The following HACL2 variants were observed in gnomAD, a reference collection of about 807,000 sequenced individuals.
The protein encoded by HACL2 is 2-hydroxyacyl-CoA lyase 1 like.
At chr19:15,117,928 A>T in the HACL2 span, 1 of 1,613,896 alleles carries the variant, frequency 6.2e-7, no homozygotes, top group Non-Finnish European at 8.5e-7. Flanking sequence ...GTTGAGCAAC[A>T]TCTCTTCCCG....
chr19:15,125,281 G>A, the HACL2 span: 7 of 584,234 alleles, frequency 1.2e-5, no homozygotes, highest in Non-Finnish European at 2.1e-5. Context: ...CCCCTCGCGG[G>A]GCTAGCCCCA....
the HACL2 span, chr19:15,115,251 C>T: frequency 3.7e-6 from 6 of 1,614,076 alleles, no homozygotes; most frequent in Non-Finnish European, 5.1e-6. Flanking sequence ...CCCACAAGGC[C>T]CTATACAGCA....
At chr19:15,120,588 G>T in the HACL2 span, among the ~76,000 whole-genome samples, 2 of 152,164 alleles carry the variant, frequency 1.3e-5, no homozygotes, top group South Asian at 2.1e-4. Flanking sequence ...TGGGCCCCAG[G>T]GCCCCAACTT....
chr19:15,119,204 C>T, the HACL2 span: 5 of 1,602,520 alleles, frequency 3.1e-6, no homozygotes, highest in South Asian at 3.4e-5. Flanking sequence ...CAGGGCCGCA[C>T]TGCGGTTCTC....
the HACL2 span, chr19:15,124,993 C>G: frequency 6.2e-7 from 1 of 1,600,408 alleles, no homozygotes; most frequent in Non-Finnish European, 8.5e-7. Context: ...ACCAGCGTCC[C>G]GCAGGCCAGG....
chr19:15,119,077 C>T, the HACL2 span: 1 of 1,438,454 alleles, frequency 7.0e-7, no homozygotes, highest in East Asian at 2.3e-5. Context: ...TAGGTGCCCA[C>T]TAGACCTTCC....
the HACL2 span, among the ~76,000 whole-genome samples, chr19:15,118,434 T>TA: frequency 6.6e-6 from 1 of 152,112 alleles, no homozygotes; most frequent in African/African-American, 2.4e-5. Flanking sequence ...GCTCTCTGTC[T>TA]AAGAAGTCTG....
At chr19:15,122,090 A>G in the HACL2 span, among the ~76,000 whole-genome samples, 3 of 150,310 alleles carry the variant, frequency 2.0e-5, no homozygotes, top group Admixed American at 6.6e-5. This position sits in a 1 kb window ranked among gnomAD's most constrained non-coding sequence, Gnocchi z 4.0. Context: ...TATTTTTAGT[A>G]GAGATGGGGT....
chr19:15,122,595 C>T, the HACL2 span: 1 of 1,012,178 alleles, frequency 9.9e-7, no homozygotes, highest in South Asian at 1.4e-5. The surrounding 1 kb of genome is among the most constrained non-coding windows in gnomAD (Gnocchi z 4.0). Flanking sequence ...CTGTCTCCTC[C>T]CAGTCCACAT....
the HACL2 span, chr19:15,115,037 G>A: frequency 1.1e-5 from 7 of 622,984 alleles, no homozygotes; most frequent in East Asian, 1.4e-4. Context: ...CCATAAGAGA[G>A]GGGACAAACG....
chr19:15,116,065 A>G, the HACL2 span: 3 of 1,613,728 alleles, frequency 1.9e-6, no homozygotes, highest in African/African-American at 1.3e-5. Flanking sequence ...CAGAGTCCCA[A>G]AGGCCCCTAA....
chr19:15,115,255 T>C, the HACL2 span: 3 of 1,613,962 alleles, frequency 1.9e-6, no homozygotes, highest in South Asian at 1.1e-5. Context: ...CAAGGCCCTA[T>C]ACAGCAATGG....
chr19:15,117,789 C>T, the HACL2 span: 3 of 1,499,574 alleles, frequency 2.0e-6, no homozygotes, highest in Non-Finnish European at 2.8e-6. Context: ...GGGCCTCAAT[C>T]ACTGTACCAG....
At chr19:15,118,162 C>G in the HACL2 span, 9 of 966,566 alleles carry the variant, frequency 9.3e-6, no homozygotes, top group South Asian at 1.4e-4. Flanking sequence ...TTGCAGCTCC[C>G]CACACCCCCT....
chr19:15,120,987 C>A, the HACL2 span, among the ~76,000 whole-genome samples: 1 of 152,078 alleles, frequency 6.6e-6, no homozygotes, highest in Non-Finnish European at 1.5e-5. Context: ...AGAGGCAGCC[C>A]AAGAGAGAGG....
the HACL2 span, chr19:15,125,695 G>T: frequency 6.6e-6 from 1 of 152,362 alleles, no homozygotes; most frequent in Non-Finnish European, 1.5e-5. Context: ...AGCAGAATTC[G>T]GCCCCCTCCG....
chr19:15,123,582 C>T, the HACL2 span: 28 of 1,613,480 alleles, frequency 1.7e-5, no homozygotes, highest in Admixed American at 3.3e-5. This position sits in a 1 kb window ranked among gnomAD's most constrained non-coding sequence, Gnocchi z 5.1. Context: ...TCCACCTGGG[C>T]CCAAGGACAG....
the HACL2 span, among the ~76,000 whole-genome samples, chr19:15,122,450 G>A: frequency 6.6e-6 from 1 of 152,036 alleles, no homozygotes; most frequent in Non-Finnish European, 1.5e-5. This position sits in a 1 kb window ranked among gnomAD's most constrained non-coding sequence, Gnocchi z 4.0. Context: ...AAAGGAGGAG[G>A]AGGAGGGCTG....
At chr19:15,122,044 C>T in the HACL2 span, among the ~76,000 whole-genome samples, 2 of 146,386 alleles carry the variant, frequency 1.4e-5, no homozygotes, top group South Asian at 4.5e-4. The surrounding 1 kb of genome is among the most constrained non-coding windows in gnomAD (Gnocchi z 4.0). Context: ...ACTACAGGCG[C>T]CCGCCACCAC....
Sources: allele counts gnomAD v4.1 joint callset (sites outside exome capture counted in the v4.1 genomes callset), GRCh38; gene constraint gnomAD v4.1.1; non-coding constraint Gnocchi (gnomAD v3.1); transcripts MANE v1.5; gene names NCBI Gene and HGNC (gene_info 2026-07-23, HGNC 2026-07-21).